The following ARFGEF3 variants were observed in gnomAD, a reference collection of about 807,000 sequenced individuals.
ARFGEF3 encodes the protein ARFGEF family member 3.
ARFGEF3 carries 96 observed loss-of-function variants against 221.7 expected under a neutral mutation model. That is an observed-to-expected ratio of 0.43 (90% CI 0.37 to 0.51). The LOEUF (loss-of-function observed/expected upper bound fraction) is 0.51, where lower values mean the gene tolerates loss of function less well. Among genes scored for constraint, ARFGEF3 ranks in the 20% least tolerant of loss-of-function variants. The pLI is 0.00. For missense variants in ARFGEF3, 2,410 were observed against 2,789.9 expected (o/e 0.86, Z 3.07); for synonymous variants, 1,145 against 1,126.8 (o/e 1.02, Z -0.32).
At chr6:138,176,651 T>C (rs967074488) in intron 2 of ARFGEF3, among the ~76,000 whole-genome samples, 7 of 152,224 alleles carry the variant, frequency 4.6e-5, no homozygotes, top group African/African-American at 1.7e-4. Context: ...GGTGGAATTC[T>C]CTCTTGTTGC....
intron 9 of ARFGEF3, among the ~76,000 whole-genome samples, chr6:138,254,340 A>G (rs1053477108): frequency 2.0e-5 from 3 of 151,412 alleles, no homozygotes; most frequent in African/African-American, 7.3e-5. Flanking sequence ...AATTGCTTCA[A>G]CCTGAGAGGT....
At chr6:138,237,066 G>A (rs1030138500) in intron 5 of ARFGEF3, among the ~76,000 whole-genome samples, 3 of 150,462 alleles carry the variant, frequency 2.0e-5, no homozygotes, top group Admixed American at 6.6e-5. Context: ...TTCAATAGGA[G>A]ATAAATTAAA....
chr6:138,196,347 T>A (rs1347608541), intron 2 of ARFGEF3, among the ~76,000 whole-genome samples: 5 of 152,268 alleles, frequency 3.3e-5, no homozygotes, highest in African/African-American at 1.2e-4. Flanking sequence ...ACACCTAGGC[T>A]GTAGGCCTAT....
chr6:138,240,323 A>G (rs1182753215), intron 6 of ARFGEF3, among the ~76,000 whole-genome samples: 5 of 152,256 alleles, frequency 3.3e-5, no homozygotes, highest in African/African-American at 1.2e-4. Flanking sequence ...CAAACACTAT[A>G]TTAATAATAT....
chr6:138,280,069 T>C lies in ARFGEF3; in HGVS notation c.2366T>C (p.Leu789Pro). The C allele has an allele frequency of 6.2e-7, 1 of 1,613,860 alleles. No individual in the cohort carries two copies. The highest frequency in any genetic ancestry group is 1.1e-5 in the South Asian group (1 of 91,070). The change falls in exon 14 of 34, where the codon CTC becomes CCC. Residue 789 changes from leucine to proline, a missense_variant. By Grantham distance (98) the Leu-to-Pro change is moderately conservative. Transcript: ENST00000251691. ...MVFSQAWIEE[L>P]YHQVLDRNML... ...TTCTCTCAGGCCTGGATTGAGGAGCTCTACCATCAGGTGCTCGACAGGAAC... is the reference window on the plus strand; with the variant it reads ...TTCTCTCAGGCCTGGATTGAGGAGCCCTACCATCAGGTGCTCGACAGGAAC...
chr6:138,223,224 T>C (rs1401902414), intron 4 of ARFGEF3, among the ~76,000 whole-genome samples: 2 of 152,232 alleles, frequency 1.3e-5, no homozygotes, highest in Non-Finnish European at 2.9e-5. Context: ...GAATTTTCTG[T>C]TCTTGCTGCC....
At chr6:138,320,079 A>G (rs1779995599) in intron 28 of ARFGEF3, among the ~76,000 whole-genome samples, 200 bp downstream of exon 28, 1 of 152,264 alleles carries the variant, frequency 6.6e-6, no homozygotes, top group African/African-American at 2.4e-5. Context: ...TGTCTTCTAC[A>G]AAATTTTCAA....
chr6:138,290,206 C>CT (rs1392666597), intron 18 of ARFGEF3, among the ~76,000 whole-genome samples: 1 of 152,182 alleles, frequency 6.6e-6, no homozygotes, highest in African/African-American at 2.4e-5. Flanking sequence ...GGAATTGTGA[C>CT]TTTTCTATTG....
At chr6:138,192,585 C>G (rs953025183) in intron 2 of ARFGEF3, among the ~76,000 whole-genome samples, 7 of 152,220 alleles carry the variant, frequency 4.6e-5, no homozygotes, top group Non-Finnish European at 7.3e-5. Flanking sequence ...ATCCCTAGGC[C>G]TAAGGGCTGG....
At chr6:138,181,994 T>A (rs1039885508) in intron 2 of ARFGEF3, among the ~76,000 whole-genome samples, 1 of 152,222 alleles carries the variant, frequency 6.6e-6, no homozygotes, top group Non-Finnish European at 1.5e-5. Context: ...TCTTTCTTTT[T>A]CACCCTGTAG....
chr6:138,186,028 A>G (rs1436344941), intron 2 of ARFGEF3, among the ~76,000 whole-genome samples: 1 of 152,246 alleles, frequency 6.6e-6, no homozygotes, highest in Non-Finnish European at 1.5e-5. Context: ...AATAGATGAT[A>G]GAGGTTCAAA....
chr6:138,195,101 C>G (rs868022225), intron 2 of ARFGEF3, among the ~76,000 whole-genome samples: 1 of 138,390 alleles, frequency 7.2e-6, no homozygotes, highest in Non-Finnish European at 1.5e-5. Flanking sequence ...CTCCCAGGTT[C>G]AAGCGATGTT....
intron 32 of ARFGEF3, among the ~76,000 whole-genome samples, chr6:138,328,401 T>C (rs542824817): frequency 1.3e-5 from 2 of 152,308 alleles, no homozygotes; most frequent in Non-Finnish European, 2.9e-5. Context: ...CCCACATTTC[T>C]GGTGCCTAGA....
At chr6:138,216,547 C>T (rs954206601) in intron 4 of ARFGEF3, 1 of 152,166 alleles carries the variant, frequency 6.6e-6, no homozygotes, top group Admixed American at 6.5e-5. Context: ...GAGTCTTACA[C>T]TTGGGAAGTT....
intron 2 of ARFGEF3, among the ~76,000 whole-genome samples, chr6:138,199,504 A>G (rs773082642): frequency 2.6e-5 from 4 of 152,194 alleles, no homozygotes; most frequent in Non-Finnish European, 4.4e-5. Context: ...CTACCCATCC[A>G]TGAGCATGGG....
At chr6:138,321,318 T>TTTGGA (rs1353777287) in intron 29 of ARFGEF3, 93 bp downstream of exon 29, 15 of 684,712 alleles carry the variant, frequency 2.2e-5, no homozygotes, top group African/African-American at 2.2e-4. Context: ...GAATCGACTT[T>TTTGGA]TTGGATTGCT....
Position 138,334,886 on chromosome 6 carries a change from T to G in ARFGEF3, c.6040T>G (p.Tyr2014Asp). ...EWWENAGNKI[Y>D]TMAADKTISK... ...GTGGGAGAATGCGGGGAACAAAATC[T>G]ACACCATGGCAGCCGACAAGACCAT... Residue 2014 changes from tyrosine (Y) to aspartate (D), a missense_variant, in exon 33 of 34, where the codon TAC becomes GAC. Coordinates refer to ENST00000251691, the MANE Select transcript of ARFGEF3 (RefSeq NM_020340.5). This position sits in a 1 kb window ranked among gnomAD's most constrained non-coding sequence, Gnocchi z 5.1. The G allele has an allele frequency of 6.3e-7, 1 of 1,592,200 alleles. No individual in the cohort carries two copies. Among genetic ancestry groups the G allele is most frequent in the Non-Finnish European group, 8.5e-7 (1 of 1,170,106 alleles).
intron 12 of ARFGEF3, among the ~76,000 whole-genome samples, chr6:138,270,181 T>G (rs1778977486): frequency 6.6e-6 from 1 of 152,156 alleles, no homozygotes; most frequent in South Asian, 2.1e-4. Context: ...CAAGCCCAAG[T>G]AAAGTCATGA....
In ARFGEF3 at chr6:138,337,645, G is replaced by A. The variant is rs868255407; in HGVS notation, c.*1159G>A. ...ACACTGAAATTTAGAAAATTTTGTC[G>A]ATTTAAAATATTTCTCCTATCTACC... On this transcript the variant is annotated 3_prime_UTR_variant, in exon 34 of 34. Coordinates refer to ENST00000251691, the MANE Select transcript of ARFGEF3 (RefSeq NM_020340.5). 6 of 152,094 alleles carry A rather than the reference G, an allele frequency of 3.9e-5. No homozygotes were observed. Among genetic ancestry groups the A allele is most frequent in the African/African-American group, 1.4e-4 (6 of 41,412 alleles). 9.4% of individuals were successfully genotyped at this position (152,094 alleles called of 1,614,324 possible). A position where few individuals can be genotyped will look rare whatever the true frequency, so the allele number is the denominator to read the frequency against.
Sources: allele counts gnomAD v4.1 joint callset (sites outside exome capture counted in the v4.1 genomes callset), GRCh38; gene constraint gnomAD v4.1.1; non-coding constraint Gnocchi (gnomAD v3.1); transcripts MANE v1.5; gene names NCBI Gene and HGNC (gene_info 2026-07-23, HGNC 2026-07-21).